Variants in ITGA2 observed in about 807,000 individuals in gnomAD.
ITGA2 encodes integrin alpha-2.
Under a neutral mutation model 146.3 loss-of-function variants are expected in ITGA2, and 101 were observed. The ratio of observed to expected loss-of-function variants is 0.69; its 90% CI spans 0.59 to 0.81. ITGA2 has a LOEUF of 0.81. ITGA2 is among the 40% of genes least tolerant of loss of function. ITGA2 has a pLI of 0.00. For synonymous variants in ITGA2, 477 were observed against 487.1 expected, an observed-to-expected ratio of 0.98 and a Z score of 0.27; for missense variants, 1,281 against 1,402.7, an observed-to-expected ratio of 0.91 and a Z score of 1.39.
In ITGA2 at chr5:53,026,817, G is replaced by A. The variant is rs1183426434; in HGVS notation, c.134G>A (p.Ser45Asn). The change falls in exon 2 of 30, where the codon AGT becomes AAT. Residue 45 changes from serine to asparagine, a missense_variant. By Grantham distance (46) the Ser-to-Asn change is conservative (BLOSUM62 1). Around this residue, in one of 3 missense-constraint regions of ITGA2, gnomAD observed 795 missense variants for 841.7 expected, o/e 0.94. Transcript: ENST00000296585. ...PEAKIFSGPS[S>N]EQFGYAVQQF... ...GCAAAAATATTTTCCGGTCCTTCAAGTGAACAGTTTGGCTATGCAGTGCAG... is the reference window on the plus strand; with the variant it reads ...GCAAAAATATTTTCCGGTCCTTCAAATGAACAGTTTGGCTATGCAGTGCAG... The A allele has an allele frequency of 1.9e-6, 3 of 1,613,620 alleles. No individual in the cohort carries two copies. The highest frequency in any genetic ancestry group is 1.7e-5 in the Admixed American group (1 of 59,998).
intron 1 of ITGA2, among the ~76,000 whole-genome samples, chr5:53,020,703 G>T (rs967811854): frequency 6.7e-6 from 1 of 150,166 alleles, no homozygotes; most frequent in Non-Finnish European, 1.5e-5. Flanking sequence ...TTTTGGTGAG[G>T]TGGAGTTTCA....
At chr5:53,035,245 C>T (rs1743432327) in intron 2 of ITGA2, among the ~76,000 whole-genome samples, 1 of 152,158 alleles carries the variant, frequency 6.6e-6, no homozygotes, top group South Asian at 2.1e-4. Flanking sequence ...TTTGTATCAT[C>T]ACAAGGCTTT....
Position 53,090,701 on chromosome 5 carries a change from T to G in ITGA2, c.*102T>G. 5 of 889,322 alleles carry G rather than the reference T, an allele frequency of 5.6e-6. No individual in the cohort carries two copies. Among genetic ancestry groups the G allele is most frequent in the Non-Finnish European group, 8.9e-6 (5 of 560,240 alleles). The allele number at this position is 889,322 out of a possible 1,614,324, so 55.1% of individuals were successfully genotyped here. ...TAAATCCCATATTTTTTTTATCATG[T>G]CGTAGGTAAACTAACCTGGTATTTT... On this transcript the variant is annotated 3_prime_UTR_variant, in exon 30 of 30. Transcript: ENST00000296585.
chr5:53,063,187 A>T (rs1464261658), intron 13 of ITGA2, among the ~76,000 whole-genome samples: 1 of 151,914 alleles, frequency 6.6e-6, no homozygotes, highest in African/African-American at 2.4e-5. Flanking sequence ...ATGCAAATAA[A>T]GCCATTATAA....
intron 20 of ITGA2, among the ~76,000 whole-genome samples, chr5:53,073,964 A>AAAC (rs1347615459): frequency 6.8e-6 from 1 of 147,260 alleles, no homozygotes; most frequent in Non-Finnish European, 1.5e-5. Context: ...AAAAAAAAAA[A>AAAC]AACCCTCAAA....
chr5:53,042,288 C>A, intron 3 of ITGA2, 67 bp downstream of exon 3: 2 of 1,011,106 alleles, frequency 2.0e-6, no homozygotes, highest in Non-Finnish European at 1.6e-6. Flanking sequence ...AACATCAGAA[C>A]AATCATTGTT....
chr5:53,044,381 A>G (rs1179973625), intron 3 of ITGA2, among the ~76,000 whole-genome samples: 1 of 151,696 alleles, frequency 6.6e-6, no homozygotes, highest in African/African-American at 2.4e-5. Flanking sequence ...GACAGAGGCA[A>G]TGATAGCTTG....
Position 53,090,744 on chromosome 5 carries a change from C to A in ITGA2, c.*145C>A. On this transcript the variant is annotated 3_prime_UTR_variant, in exon 30 of 30. Transcript: ENST00000296585. ...GGTATTTTAAGAGAAAACTGCAGGT[C>A]AGTTTGGAATGAAGAAATTGTGGGG... The A allele has an allele frequency of 3.2e-6, 2 of 628,300 alleles. No individual in the cohort carries two copies. The highest frequency in any genetic ancestry group is 5.7e-6 in the Non-Finnish European group (2 of 350,182). 38.9% of individuals were successfully genotyped at this position (628,300 alleles called of 1,614,324 possible). A position where few individuals can be genotyped will look rare whatever the true frequency, so the allele number is the denominator to read the frequency against.
intron 18 of ITGA2, 48 bp from the exon 19 acceptor site, chr5:53,072,564 CT>C (rs1239876917): frequency 7.7e-6 from 11 of 1,422,330 alleles, no homozygotes; most frequent in Admixed American, 3.6e-5. Flanking sequence ...CTGTAATTTG[CT>C]TTTTCAACCC....
At chr5:53,025,943 C>T (rs191148270) in intron 1 of ITGA2, among the ~76,000 whole-genome samples, 3 of 152,262 alleles carry the variant, frequency 2.0e-5, no homozygotes, top group African/African-American at 7.2e-5. Flanking sequence ...CATTCCCTTT[C>T]CATCAGAAAT....
chr5:53,070,232 G>C lies in ITGA2; in HGVS notation c.2207G>C (p.Ser736Thr). ...AATATGGTAGTAAATCAAGCACAGA[G>C]TTGCCCCGAGCACATCATTTATATA... ...QKNMVVNQAQ[S>T]CPEHIIYIQE... The change falls in exon 17 of 30, where the codon AGT becomes ACT. Residue 736 changes from serine (S) to threonine (T), a missense_variant. Physicochemically the swap from Ser to Thr is moderately conservative, Grantham distance 58. Transcript: ENST00000296585. 2 of 1,611,836 alleles carry C rather than the reference G, an allele frequency of 1.2e-6. No homozygotes were observed. Among genetic ancestry groups the C allele is most frequent in the Non-Finnish European group, 1.7e-6 (2 of 1,178,580 alleles).
chr5:53,053,759 G>GTC (rs923445770), intron 7 of ITGA2, among the ~76,000 whole-genome samples: 10 of 151,924 alleles, frequency 6.6e-5, no homozygotes, highest in South Asian at 6.2e-4. Flanking sequence ...GTAATTGCCT[G>GTC]TCTCTCTCTC....
intron 7 of ITGA2, among the ~76,000 whole-genome samples, chr5:53,053,312 A>C (rs766022358): frequency 6.6e-6 from 1 of 152,186 alleles, no homozygotes; most frequent in South Asian, 2.1e-4. Flanking sequence ...GTTCATCATT[A>C]CTGTCTCTAT....
chr5:53,004,445 G>A (rs1355778820), intron 1 of ITGA2, among the ~76,000 whole-genome samples: 1 of 152,050 alleles, frequency 6.6e-6, no homozygotes, highest in African/African-American at 2.4e-5. Context: ...AGTACACTTG[G>A]TATGCATCCA....
In ITGA2 at chr5:53,064,349, G is replaced by C. The variant is rs944921025; in HGVS notation, c.1603-563G>C. On this transcript the variant is annotated intron_variant, in intron 13 of 29. Coordinates refer to ENST00000296585, the MANE Select transcript of ITGA2 (RefSeq NM_002203.4). Reference sequence around the variant, plus strand: ...AAAATGAGACCAAGAAATGGATGCTGTTCAGCTACAGTAAAGAGAATTATC... The same window carrying C: ...AAAATGAGACCAAGAAATGGATGCTCTTCAGCTACAGTAAAGAGAATTATC... Among the ~76,000 whole-genome samples the C allele has an allele frequency of 5.9e-5, 9 of 151,946 alleles. No homozygotes were observed. In the East Asian group the frequency reaches 1.8e-3, roughly 30 times the overall value.
rs1742898053 is a variant in ITGA2 at position 53,025,560 on chromosome 5, T to C, written c.65-1188T>C. Among the ~76,000 whole-genome samples the C allele has an allele frequency of 2.6e-5, 4 of 152,200 alleles. No homozygotes were observed. The South Asian group carries it at 8.3e-4, about 31-fold the overall frequency. On this transcript the variant is annotated intron_variant, in intron 1 of 29. Transcript: ENST00000296585. ...GCTTCATCATTGACTTCATTATCAT[T>C]TTGGAGCACTCTACAGAATCTGCTC...
chr5:53,061,001 T>C lies in ITGA2; in HGVS notation c.1413T>C (p.Asn471=), dbSNP rs981016313. The change falls in exon 12 of 30, where the codon AAT becomes AAC. Residue 471 remains asparagine, a synonymous_variant. Coordinates refer to ENST00000296585, the MANE Select transcript of ITGA2 (RefSeq NM_002203.4). Reference sequence around the variant, plus strand: ...GCCAGATAGTGCTATATAGTGTGAATGAGAATGGCAATATCACGGTTATTC... The same window carrying C: ...GCCAGATAGTGCTATATAGTGTGAACGAGAATGGCAATATCACGGTTATTC... The part of the protein sequence containing the change: ...YTGQIVLYSV[N]ENGNITVIQA... 1 of 1,612,226 alleles carries C rather than the reference T, an allele frequency of 6.2e-7. No individual in the cohort carries two copies. The highest frequency in any genetic ancestry group is 1.3e-5 in the African/African-American group (1 of 74,784).
chr5:53,075,139 T>TA lies in ITGA2; in HGVS notation c.2741+6dup. 1 of 1,610,148 alleles carries TA rather than the reference T, an allele frequency of 6.2e-7. No individual in the cohort carries two copies. ...GTCTCTCAGTTTCCAAGCCTTAAGG[T>TA]AAAACATAATGAAGTCATGAATGGA... On this transcript the variant is annotated splice_region_variant and intron_variant, in intron 22 of 29. Transcript: ENST00000296585.
At chr5:53,017,589 G>A (rs1742455098) in intron 1 of ITGA2, among the ~76,000 whole-genome samples, 1 of 152,242 alleles carries the variant, frequency 6.6e-6, no homozygotes, top group Non-Finnish European at 1.5e-5. Flanking sequence ...GTGGCAGCAT[G>A]GCCGTGTGCC....
Sources: allele counts gnomAD v4.1 joint callset (sites outside exome capture counted in the v4.1 genomes callset), GRCh38; gene constraint gnomAD v4.1.1; regional missense constraint gnomAD v4.1.1; transcripts MANE v1.5; gene names NCBI Gene and HGNC (gene_info 2026-07-23, HGNC 2026-07-21).